EBF1: variants seen among roughly 807,000 people sequenced by gnomAD.
EBF1 encodes transcription factor COE1.
Under a neutral mutation model 68.4 loss-of-function variants are expected in EBF1, and 10 were observed. The observed-to-expected ratio is 0.15, with a 90% CI of 0.09 to 0.25. The LOEUF (loss-of-function observed/expected upper bound fraction) is 0.25. Among genes scored for constraint, EBF1 ranks in the 10% least tolerant of loss-of-function variants. EBF1 has a pLI of 1.00. For missense variants in EBF1, 509 were observed against 794.4 expected (o/e 0.64, Z 4.32); for synonymous variants, 298 against 299.8 (o/e 0.99, Z 0.06).
chr5:158,823,031 G>A, intron 8 of EBF1, 145 bp downstream of exon 8: 1 of 1,082,220 alleles, frequency 9.2e-7, no homozygotes, highest in Non-Finnish European at 1.3e-6. Flanking sequence ...ATATGTTGAA[G>A]AGAAAAAACC....
chr5:158,761,376 G>A (rs897149502), intron 10 of EBF1, among the ~76,000 whole-genome samples: 1 of 152,156 alleles, frequency 6.6e-6, no homozygotes, highest in Non-Finnish European at 1.5e-5. Flanking sequence ...TACACTCAAC[G>A]AAAGAGATCA....
chr5:158,928,821 G>A (rs1022409776), intron 6 of EBF1, among the ~76,000 whole-genome samples: 7 of 152,272 alleles, frequency 4.6e-5, no homozygotes, highest in Non-Finnish European at 8.8e-5. Flanking sequence ...TTATGATCCA[G>A]GAAGCCAGTT....
intron 6 of EBF1, among the ~76,000 whole-genome samples, chr5:158,850,633 T>C (rs1427944098): frequency 6.6e-6 from 1 of 152,238 alleles, no homozygotes; most frequent in East Asian, 1.9e-4. Context: ...TACTATGTGA[T>C]AAGTGAAATG....
intron 9 of EBF1, among the ~76,000 whole-genome samples, chr5:158,780,174 G>A (rs1581816308): frequency 6.6e-6 from 1 of 152,324 alleles, no homozygotes; most frequent in African/African-American, 2.4e-5. Flanking sequence ...TGGAAGGAAT[G>A]CTAGTGATAG....
intron 6 of EBF1, among the ~76,000 whole-genome samples, chr5:159,057,722 G>C (rs1775033911): frequency 6.6e-6 from 1 of 152,202 alleles, no homozygotes. Flanking sequence ...TTAAAATGAA[G>C]GGGCTGAACT....
chr5:158,855,195 T>C (rs1247524897), intron 6 of EBF1, among the ~76,000 whole-genome samples: 2 of 152,218 alleles, frequency 1.3e-5, no homozygotes, highest in East Asian at 1.9e-4. Context: ...TTCAAACTTA[T>C]GCTAAATTCT....
At chr5:158,755,353 T>C (rs757008990) in intron 10 of EBF1, among the ~76,000 whole-genome samples, 1 of 152,098 alleles carries the variant, frequency 6.6e-6, no homozygotes, top group East Asian at 1.9e-4. Context: ...GTCTTCTCCC[T>C]AGCCATTTAC....
At chr5:159,011,515 T>A (rs1764660323) in intron 6 of EBF1, among the ~76,000 whole-genome samples, 1 of 152,210 alleles carries the variant, frequency 6.6e-6, no homozygotes, top group Admixed American at 6.5e-5. Flanking sequence ...GGGGGCTGGT[T>A]AAAATAATAA....
At chr5:159,050,671 CTTATAAGGG>C (rs1773416943) in intron 6 of EBF1, among the ~76,000 whole-genome samples, 1 of 152,146 alleles carries the variant, frequency 6.6e-6, no homozygotes, top group Admixed American at 6.5e-5. Context: ...CATGAACTCC[CTTATAAGGG>C]TTGACTGACT....
At chr5:158,983,280 G>T (rs17056383) in intron 6 of EBF1, 4 of 152,108 alleles carry the variant, frequency 2.6e-5, no homozygotes, top group African/African-American at 7.2e-5. Context: ...AGTATGTAGG[G>T]GTTTTTTTTC....
In EBF1 at chr5:158,697,452, C is replaced by CCAAA; in HGVS notation, c.*1655_*1658dup. ...AAACAGCTAATACAAGTGTAGGTGA[C>CCAAA]CAAACAAATACGCACTTTTCACGTA... On this transcript the variant is annotated 3_prime_UTR_variant, in exon 16 of 16. Transcript: ENST00000313708. The CCAAA allele has an allele frequency of 4.8e-6, 1 of 209,884 alleles. No individual in the cohort carries two copies. Among genetic ancestry groups the CCAAA allele is most frequent in the South Asian group, 1.9e-4 (1 of 5,320 alleles). The allele number at this position is 209,884 out of a possible 1,614,324, so 13.0% of individuals were successfully genotyped here. A position where few individuals can be genotyped will look rare whatever the true frequency, so the allele number is the denominator to read the frequency against.
In EBF1 at chr5:158,696,177, A is replaced by G. The variant is rs1755729607; in HGVS notation, c.*2934T>C. ...GCAATGTTATGCAATCCAGTCATCCAGAAGCTGTATTTTTTCCCCCAACAC... is the reference window on the plus strand; with the variant it reads ...GCAATGTTATGCAATCCAGTCATCCGGAAGCTGTATTTTTTCCCCCAACAC... On this transcript the variant is annotated 3_prime_UTR_variant, in exon 16 of 16. Coordinates refer to ENST00000313708, the MANE Select transcript of EBF1 (RefSeq NM_024007.5). The G allele has an allele frequency of 4.6e-6, 1 of 216,846 alleles. No individual in the cohort carries two copies. Among genetic ancestry groups the G allele is most frequent in the African/African-American group, 2.3e-5 (1 of 44,444 alleles). 13.4% of individuals were successfully genotyped at this position (216,846 alleles called of 1,614,324 possible).
chr5:158,709,955 T>G (rs919255955), intron 14 of EBF1, among the ~76,000 whole-genome samples: 1 of 152,156 alleles, frequency 6.6e-6, no homozygotes, highest in African/African-American at 2.4e-5. Context: ...GGGGGGCCAG[T>G]TAACAGAGGT....
At chr5:159,062,215 C>G (rs750764566) in intron 6 of EBF1, among the ~76,000 whole-genome samples, 13 of 152,194 alleles carry the variant, frequency 8.5e-5, no homozygotes, top group Non-Finnish European at 1.3e-4. Context: ...CGAGTAGACA[C>G]AGGAGCCCCC....
chr5:158,798,764 C>T (rs1032722928), intron 8 of EBF1, among the ~76,000 whole-genome samples: 12 of 152,176 alleles, frequency 7.9e-5, no homozygotes, highest in Non-Finnish European at 2.9e-5. Flanking sequence ...GAGCATCAAG[C>T]TTCCAGAGAT....
chr5:159,051,255 G>C (rs367803916), intron 6 of EBF1, among the ~76,000 whole-genome samples: 1 of 151,676 alleles, frequency 6.6e-6, no homozygotes, highest in Non-Finnish European at 1.5e-5. Flanking sequence ...GAGATGTCAC[G>C]GGGAGGGCAC....
chr5:159,032,762 A>G (rs1053725692), intron 6 of EBF1, among the ~76,000 whole-genome samples: 2 of 152,226 alleles, frequency 1.3e-5, no homozygotes, highest in Non-Finnish European at 1.5e-5. Flanking sequence ...AACATTCATG[A>G]TTAGCACTTG....
intron 8 of EBF1, among the ~76,000 whole-genome samples, chr5:158,816,731 C>A (rs1433168475): frequency 6.6e-6 from 1 of 151,860 alleles, no homozygotes; most frequent in East Asian, 1.9e-4. Context: ...TAAAAAGATG[C>A]CAAAAGGTAC....
chr5:158,884,504 C>T lies in EBF1; in HGVS notation c.555-44394G>A, dbSNP rs564470208. ...CAAGCACCATGCTCACTGCTGAAGA[C>T]ATAAAAATGAAAAAAGGTAGGCAAG... On this transcript the variant is annotated intron_variant, in intron 6 of 15. Coordinates refer to ENST00000313708, the MANE Select transcript of EBF1 (RefSeq NM_024007.5). Among the ~76,000 whole-genome samples the T allele has an allele frequency of 5.3e-5, 8 of 152,114 alleles. No individual in the cohort carries two copies. The South Asian group carries it at 1.7e-3, about 32-fold the overall frequency.
Sources: allele counts gnomAD v4.1 joint callset (sites outside exome capture counted in the v4.1 genomes callset), GRCh38; gene constraint gnomAD v4.1.1; transcripts MANE v1.5; gene names NCBI Gene and HGNC (gene_info 2026-07-23, HGNC 2026-07-21).